CACNA2D1: variants seen among roughly 807,000 people sequenced by gnomAD.
CACNA2D1 encodes voltage-dependent calcium channel subunit alpha-2/delta-1.
A neutral mutation model predicts 171.5 loss-of-function variants in CACNA2D1; 53 were observed. The observed-to-expected ratio is 0.31, with a 90% CI of 0.25 to 0.39. The LOEUF (loss-of-function observed/expected upper bound fraction) is 0.39. CACNA2D1 is among the 10% of genes least tolerant of loss of function. The pLI, the probability that CACNA2D1 is intolerant of heterozygous loss-of-function variation, is 1.00. For synonymous variants in CACNA2D1, 442 were observed against 443.1 expected (o/e 1.00, Z 0.03); for missense variants, 903 against 1,299.8 (o/e 0.69, Z 4.69).
At chr7:82,287,665 C>A (rs1810978336) in intron 3 of CACNA2D1, among the ~76,000 whole-genome samples, 3 of 152,072 alleles carry the variant, frequency 2.0e-5, no homozygotes, top group Admixed American at 2.0e-4. Context: ...AGTATGATTC[C>A]TTAATGATTT....
At chr7:81,997,322 G>A in intron 18 of CACNA2D1, 72 bp from the exon 19 acceptor site, 6 of 995,644 alleles carry the variant, frequency 6.0e-6, no homozygotes, top group East Asian at 4.9e-5. Flanking sequence ...ACAATTTAAC[G>A]GGTATTTATG....
chr7:82,216,980 T>C (rs774460082), intron 3 of CACNA2D1, among the ~76,000 whole-genome samples: 4 of 151,906 alleles, frequency 2.6e-5, no homozygotes, highest in Non-Finnish European at 5.9e-5. Flanking sequence ...AATTACATTA[T>C]ATGTCATTCT....
At chr7:82,192,454 TTGTGTTTG>T (rs1798402464) in intron 3 of CACNA2D1, among the ~76,000 whole-genome samples, 2 of 94,708 alleles carry the variant, frequency 2.1e-5, no homozygotes, top group African/African-American at 9.1e-5. Context: ...GTATGTGTGT[TTGTGTTTG>T]TGTGTGTGTG....
intron 6 of CACNA2D1, among the ~76,000 whole-genome samples, chr7:82,098,711 G>T (rs755643358): frequency 2.0e-5 from 3 of 152,102 alleles, no homozygotes; most frequent in Non-Finnish European, 4.4e-5. Flanking sequence ...TCAAATTGCT[G>T]ACATAGTCTC....
chr7:82,135,164 T>G (rs1213658795), intron 5 of CACNA2D1, among the ~76,000 whole-genome samples: 1 of 152,102 alleles, frequency 6.6e-6, no homozygotes, highest in African/African-American at 2.4e-5. Context: ...GTCAATGCCA[T>G]TCACTTTATT....
At chr7:82,160,709 A>T (rs917320693) in intron 4 of CACNA2D1, among the ~76,000 whole-genome samples, 6 of 152,122 alleles carry the variant, frequency 3.9e-5, no homozygotes, top group Admixed American at 3.9e-4. Flanking sequence ...CCTGGGCTCA[A>T]GTGATCCTCA....
intron 1 of CACNA2D1, among the ~76,000 whole-genome samples, chr7:82,410,274 TGATTTGA>T (rs1827505406): frequency 6.6e-6 from 1 of 152,224 alleles, no homozygotes; most frequent in African/African-American, 2.4e-5. Flanking sequence ...TATGTTTGTG[TGATTTGA>T]GACTTTTACA....
intron 3 of CACNA2D1, among the ~76,000 whole-genome samples, chr7:82,171,896 G>C (rs38543): frequency 6.6e-6 from 1 of 151,810 alleles, no homozygotes; most frequent in Non-Finnish European, 1.5e-5. Flanking sequence ...ATTCCTTAGC[G>C]TAAGTTCTTC....
At chr7:82,128,994 C>T (rs1242670129) in intron 5 of CACNA2D1, among the ~76,000 whole-genome samples, 2 of 152,110 alleles carry the variant, frequency 1.3e-5, no homozygotes, top group Non-Finnish European at 2.9e-5. Context: ...TATTCAAATT[C>T]ATTTTGTTTT....
At chr7:82,100,382 C>T (rs1187192385) in intron 6 of CACNA2D1, among the ~76,000 whole-genome samples, 2 of 152,060 alleles carry the variant, frequency 1.3e-5, no homozygotes, top group Non-Finnish European at 2.9e-5. Flanking sequence ...CTAGAATTCA[C>T]ATCCTTTATT....
intron 3 of CACNA2D1, among the ~76,000 whole-genome samples, chr7:82,286,076 C>T (rs1281778546): frequency 2.0e-5 from 3 of 152,142 alleles, no homozygotes; most frequent in Non-Finnish European, 4.4e-5. Flanking sequence ...TTGTAATACA[C>T]CACTGTTTCG....
chr7:81,995,796 C>A (rs1214614392), intron 19 of CACNA2D1, among the ~76,000 whole-genome samples: 1 of 86,940 alleles, frequency 1.2e-5, no homozygotes, highest in Non-Finnish European at 2.0e-5. Context: ...GAGACTCCAC[C>A]TCAAAAAAAA....
At chr7:82,053,081 T>A (rs1300320508) in intron 10 of CACNA2D1, among the ~76,000 whole-genome samples, 1 of 151,930 alleles carries the variant, frequency 6.6e-6, no homozygotes, top group Non-Finnish European at 1.5e-5. Flanking sequence ...TGAAACCCCG[T>A]CTCTACTAAA....
At chr7:82,228,824 T>C (rs551283015) in intron 3 of CACNA2D1, among the ~76,000 whole-genome samples, 1 of 152,246 alleles carries the variant, frequency 6.6e-6, no homozygotes, top group South Asian at 2.1e-4. Context: ...CATGTTAAAA[T>C]CACCAGGACA....
chr7:82,410,070 C>A (rs548404093), intron 1 of CACNA2D1, among the ~76,000 whole-genome samples: 1 of 152,182 alleles, frequency 6.6e-6, no homozygotes, highest in Non-Finnish European at 1.5e-5. Flanking sequence ...TGGGGCCCAT[C>A]ATTGAATAAA....
intron 38 of CACNA2D1, among the ~76,000 whole-genome samples, chr7:81,953,113 A>G (rs1792802091): frequency 6.6e-6 from 1 of 151,830 alleles, no homozygotes; most frequent in Non-Finnish European, 1.5e-5. Context: ...CTCTAACTCT[A>G]CCTTCAAAAT....
At chr7:81,998,127 TAC>T (rs1384808473) in intron 18 of CACNA2D1, among the ~76,000 whole-genome samples, 107 of 152,122 alleles carry the variant, frequency 7.0e-4, no homozygotes, top group Middle Eastern at 3.4e-3. Flanking sequence ...ATAAACAAAA[TAC>T]AGTCAATTCC....
chr7:82,109,251 T>TA (rs1788102286), intron 6 of CACNA2D1, among the ~76,000 whole-genome samples: 1 of 152,158 alleles, frequency 6.6e-6, no homozygotes, highest in Admixed American at 6.6e-5. Context: ...TATCTGGTTT[T>TA]AAAAAATCAA....
chr7:82,276,498 T>C (rs1332728905), intron 3 of CACNA2D1, among the ~76,000 whole-genome samples: 5 of 152,170 alleles, frequency 3.3e-5, no homozygotes, highest in Non-Finnish European at 5.9e-5. Flanking sequence ...TAGCTCCAGG[T>C]AGCAATGTAA....
Sources: gnomAD v4.1 joint callset for allele counts (sites outside exome capture counted in the v4.1 genomes callset) on GRCh38, gnomAD v4.1.1 for gene constraint, MANE v1.5 for transcripts, NCBI Gene and HGNC (gene_info 2026-07-23, HGNC 2026-07-21) for gene names.